The following IFT88 variants were observed in gnomAD, a reference collection of about 807,000 sequenced individuals.
IFT88 encodes intraflagellar transport 88.
A neutral mutation model predicts 119.5 loss-of-function variants in IFT88; 74 were observed. The ratio of observed to expected loss-of-function variants is 0.62; its 90% CI spans 0.51 to 0.75. IFT88 has a LOEUF of 0.75. Ranked by LOEUF, IFT88 falls within the 30% of genes least tolerant of loss-of-function variation. IFT88 has a pLI of 0.00. For synonymous variants in IFT88, 279 were observed against 316.7 expected, an observed-to-expected ratio of 0.88 and a Z score of 1.26; for missense variants, 961 against 977.7, an observed-to-expected ratio of 0.98 and a Z score of 0.23.
chr13:20,581,195 C>G (rs1407788182), intron 2 of IFT88, among the ~76,000 whole-genome samples: 1 of 152,106 alleles, frequency 6.6e-6, no homozygotes, highest in Non-Finnish European at 1.5e-5. Context: ...TTGATCTTAA[C>G]TGTAATAATA....
chr13:20,644,010 C>T (rs2050357286), intron 19 of IFT88, among the ~76,000 whole-genome samples: 2 of 152,148 alleles, frequency 1.3e-5, no homozygotes, highest in South Asian at 4.1e-4. Context: ...GCCTCAGCCT[C>T]CCAAAGTGCT....
At chr13:20,569,572 CAAAA>C (rs201940660) in intron 1 of IFT88, among the ~76,000 whole-genome samples, 1 of 91,718 alleles carries the variant, frequency 1.1e-5, no homozygotes. Context: ...GACTCCGTCC[CAAAA>C]AAAAAAAAAA....
intron 4 of IFT88, among the ~76,000 whole-genome samples, chr13:20,590,568 G>A (rs2040494083): frequency 6.6e-6 from 1 of 152,154 alleles, no homozygotes; most frequent in African/African-American, 2.4e-5. Context: ...TAGTTAGCCT[G>A]AGTGTGTATT....
rs2036984514 is a variant in IFT88 at position 20,574,461 on chromosome 13, A to G, written c.76A>G (p.Ile26Val). 6 of 1,592,466 alleles carry G rather than the reference A, an allele frequency of 3.8e-6. No individual in the cohort carries two copies. The highest frequency in any genetic ancestry group is 1.1e-5 in the South Asian group (1 of 89,626). The change falls in exon 2 of 26, where the codon ATC becomes GTC. Residue 26 changes from isoleucine (I) to valine (V), a missense_variant. Transcript: ENST00000351808. ...TTCCGGCTATAATGACTACAATCCA[A>G]TCTATGATATCGAGGTAACAAAAGC... ...LYSGYNDYNP[I>V]YDIEELENDA...
intron 16 of IFT88, among the ~76,000 whole-genome samples, chr13:20,634,940 C>A: frequency 9.3e-6 from 1 of 107,298 alleles, no homozygotes; most frequent in Admixed American, 1.2e-4. Context: ...CTAATGCTAT[C>A]CCTCCCCCCT....
chr13:20,624,935 G>A (rs2047075896), intron 14 of IFT88, among the ~76,000 whole-genome samples: 1 of 152,126 alleles, frequency 6.6e-6, no homozygotes, highest in Admixed American at 6.5e-5. Flanking sequence ...CAAATTTTAA[G>A]TATATAATAT....
chr13:20,658,401 A>G (rs530373350), intron 22 of IFT88, among the ~76,000 whole-genome samples: 21 of 152,278 alleles, frequency 1.4e-4, no homozygotes, highest in Admixed American at 3.3e-4. Flanking sequence ...TTAAAGTACA[A>G]ATTTCTAGCC....
intron 23 of IFT88, among the ~76,000 whole-genome samples, chr13:20,670,094 TAAG>T (rs1266254837): frequency 3.9e-5 from 6 of 152,236 alleles, no homozygotes; most frequent in African/African-American, 1.2e-4. Context: ...TTGTCAGGGT[TAAG>T]GAGTTAAATA....
At position 20,582,948 on chromosome 13, in the gene IFT88, T is replaced by G. The variant is rs768430814; in HGVS notation, c.91-9T>G. The G allele has an allele frequency of 6.2e-7, 1 of 1,609,332 alleles. No individual in the cohort carries two copies. Among genetic ancestry groups the G allele is most frequent in the Admixed American group, 1.7e-5 (1 of 59,798 alleles). On this transcript the variant is annotated splice_polypyrimidine_tract_variant and intron_variant, in intron 2 of 25. Coordinates refer to ENST00000351808, the MANE Select transcript of IFT88 (RefSeq NM_006531.5). ...TGTGTTGAATGTTAAATTTGCGTTTTCATTTTAGGAATTGGAGAATGATGC... is the reference window on the plus strand; with the variant it reads ...TGTGTTGAATGTTAAATTTGCGTTTGCATTTTAGGAATTGGAGAATGATGC...
intron 24 of IFT88, among the ~76,000 whole-genome samples, chr13:20,673,556 C>A (rs1227533414): frequency 6.6e-6 from 1 of 152,188 alleles, no homozygotes; most frequent in South Asian, 2.1e-4. Context: ...TTCCCATAGC[C>A]CTCTTTCAGT....
intron 21 of IFT88, among the ~76,000 whole-genome samples, chr13:20,654,563 A>G (rs368974195): frequency 1.3e-5 from 2 of 152,260 alleles, no homozygotes; most frequent in Admixed American, 1.3e-4. Context: ...TGACCCAGGA[A>G]AAGAAAGTAT....
intron 13 of IFT88, among the ~76,000 whole-genome samples, chr13:20,608,328 C>T (rs1594140292): frequency 6.6e-6 from 1 of 152,206 alleles, no homozygotes; most frequent in East Asian, 1.9e-4. Context: ...GGATGCGTTG[C>T]CTGCAGCACA....
chr13:20,607,438 G>T, intron 13 of IFT88: 1 of 660,732 alleles, frequency 1.5e-6, no homozygotes, highest in South Asian at 1.5e-5. Flanking sequence ...AGAGCAACAA[G>T]GTGTACTTGT....
chr13:20,569,000 G>A (rs1211663841), intron 1 of IFT88, among the ~76,000 whole-genome samples: 1 of 152,080 alleles, frequency 6.6e-6, no homozygotes, highest in Non-Finnish European at 1.5e-5. Flanking sequence ...GATTACAAGC[G>A]TGAGCCACGA....
intron 22 of IFT88, among the ~76,000 whole-genome samples, chr13:20,661,811 TAGA>T (rs2053850390): frequency 6.6e-6 from 1 of 152,076 alleles, no homozygotes; most frequent in Admixed American, 6.5e-5. Context: ...CTTAGCAGAT[TAGA>T]AGAACTGCAG....
chr13:20,663,439 A>G (rs1594761173), intron 22 of IFT88, 59 bp from the exon 23 acceptor site: 1 of 1,591,074 alleles, frequency 6.3e-7, no homozygotes, highest in Non-Finnish European at 8.6e-7. Context: ...TGATTTATTG[A>G]GCTTTTAACA....
At chr13:20,604,956 A>C (rs2139250808) in intron 12 of IFT88, 79 bp from the exon 13 acceptor site, 3 of 733,408 alleles carry the variant, frequency 4.1e-6, no homozygotes, top group Middle Eastern at 4.8e-4. Context: ...GCTGTATCTC[A>C]AAACAAAACA....
intron 24 of IFT88, among the ~76,000 whole-genome samples, chr13:20,677,186 C>T (rs2056772982): frequency 6.6e-6 from 1 of 152,192 alleles, no homozygotes; most frequent in Admixed American, 6.5e-5. Context: ...GTCTCCCTCT[C>T]CTCACTTGAG....
intron 16 of IFT88, chr13:20,631,343 A>G: frequency 2.3e-6 from 1 of 430,518 alleles, no homozygotes; most frequent in Non-Finnish European, 4.3e-6. Context: ...TAAGCATCGC[A>G]TCATAGATTA....
Sources: gnomAD v4.1 joint callset for allele counts (sites outside exome capture counted in the v4.1 genomes callset) on GRCh38, gnomAD v4.1.1 for gene constraint, MANE v1.5 for transcripts, NCBI Gene and HGNC (gene_info 2026-07-23, HGNC 2026-07-21) for gene names.